ADD3: variants seen among roughly 807,000 people sequenced by gnomAD.
ADD3 encodes the protein adducin 3.
A neutral mutation model predicts 80.2 loss-of-function variants in ADD3; 25 were observed. The ratio of observed to expected loss-of-function variants is 0.31; its 90% CI spans 0.23 to 0.44. The LOEUF is 0.44. Ranked by LOEUF, ADD3 falls within the 20% of genes least tolerant of loss-of-function variation. ADD3 has a pLI of 1.00. For synonymous variants in ADD3, 284 were observed against 289.6 expected, an observed-to-expected ratio of 0.98 and a Z score of 0.20; for missense variants, 829 against 847.5, an observed-to-expected ratio of 0.98 and a Z score of 0.27.
intron 1 of ADD3, among the ~76,000 whole-genome samples, chr10:110,087,721 T>C (rs1379316701): frequency 7.2e-5 from 11 of 152,248 alleles, no homozygotes; most frequent in Non-Finnish European, 1.6e-4. Flanking sequence ...GTGTGCTATC[T>C]ATTCACACTG....
At chr10:110,069,384 A>G (rs2133617562) in intron 1 of ADD3, among the ~76,000 whole-genome samples, 1 of 152,346 alleles carries the variant, frequency 6.6e-6, no homozygotes, top group East Asian at 1.9e-4. Context: ...ACCCAGTCTC[A>G]GCAATTTAAC....
At chr10:110,092,439 G>A (rs571517612) in intron 1 of ADD3, among the ~76,000 whole-genome samples, 1 of 152,008 alleles carries the variant, frequency 6.6e-6, no homozygotes, top group East Asian at 1.9e-4. Context: ...TGCAGCTGGA[G>A]GCTATTACCC....
chr10:110,133,036 T>G (rs547192821), intron 14 of ADD3, among the ~76,000 whole-genome samples: 5 of 152,134 alleles, frequency 3.3e-5, no homozygotes, highest in Admixed American at 3.3e-4. Context: ...GAGAAAAATA[T>G]GTTGTCTTCC....
At chr10:110,047,690 T>C (rs576956078) in intron 1 of ADD3, among the ~76,000 whole-genome samples, 2 of 152,296 alleles carry the variant, frequency 1.3e-5, no homozygotes, top group East Asian at 1.9e-4. Flanking sequence ...AAGATAGTTA[T>C]AGGAAAAAGT....
At chr10:109,996,781 G>T (rs1185396496) in intron 1 of ADD3, among the ~76,000 whole-genome samples, 1 of 152,144 alleles carries the variant, frequency 6.6e-6, no homozygotes, top group African/African-American at 2.4e-5. Context: ...TTGCAGCAAG[G>T]TATTTAAATC....
chr10:110,130,691 A>T (rs11194998), intron 13 of ADD3, among the ~76,000 whole-genome samples: 2,447 of 152,222 alleles, frequency 0.016, 62 homozygotes, highest in African/African-American at 0.052. Flanking sequence ...CCCCGTCTCT[A>T]TTAAAAATTA....
At chr10:110,095,461 T>C (rs529463813) in intron 1 of ADD3, among the ~76,000 whole-genome samples, 1 of 152,372 alleles carries the variant, frequency 6.6e-6, no homozygotes, top group East Asian at 1.9e-4. Context: ...AATGGAGTCA[T>C]ACAATATGTG....
At chr10:110,132,724 A>T in intron 14 of ADD3, 1 of 231,214 alleles carries the variant, frequency 4.3e-6, no homozygotes, top group South Asian at 5.5e-5. Context: ...TCAGGAGATC[A>T]AGACCATCCT....
chr10:110,022,448 C>T lies in ADD3; in HGVS notation c.-30+14149C>T, dbSNP rs983654742. ...AAATTACCTTTCATATACCACTTATCGTAAAGTTATTTTTTTGAGGTATAA... is the reference window on the plus strand; with the variant it reads ...AAATTACCTTTCATATACCACTTATTGTAAAGTTATTTTTTTGAGGTATAA... On this transcript the variant is annotated intron_variant, in intron 1 of 14. Transcript: ENST00000356080. Among the ~76,000 whole-genome samples the T allele has an allele frequency of 1.1e-4, 17 of 152,074 alleles. 1 individual carries two copies. Among genetic ancestry groups the T allele is most frequent in the African/African-American group, 3.1e-4 (13 of 41,504 alleles).
intron 1 of ADD3, among the ~76,000 whole-genome samples, chr10:110,060,109 G>T (rs1324164477): frequency 6.6e-6 from 1 of 152,212 alleles, no homozygotes; most frequent in Non-Finnish European, 1.5e-5. Context: ...GCGACTTCCT[G>T]TTCAGCTGAG....
At position 110,045,058 on chromosome 10, in the gene ADD3, T is replaced by A. The variant is rs113948476; in HGVS notation, c.-30+36759T>A. 3.2e-4 allele frequency among the ~76,000 whole-genome samples: 48 copies of A among 152,230 alleles called. 1 individual carries two copies. Among genetic ancestry groups the A allele is most frequent in the African/African-American group, 1.1e-3 (44 of 41,542 alleles). Reference sequence around the variant, plus strand: ...TACTTTTCCGAAACACTGGGTAGTTTGAAGTAAAGTACCTGGCTGGGCGTG... The same window carrying A: ...TACTTTTCCGAAACACTGGGTAGTTAGAAGTAAAGTACCTGGCTGGGCGTG... On this transcript the variant is annotated intron_variant, in intron 1 of 14. Coordinates refer to ENST00000356080, the MANE Select transcript of ADD3 (RefSeq NM_016824.5).
intron 1 of ADD3, among the ~76,000 whole-genome samples, chr10:110,038,577 A>G (rs1472368027): frequency 1.3e-5 from 2 of 152,234 alleles, no homozygotes; most frequent in African/African-American, 2.4e-5. Context: ...AAGCCTGTCT[A>G]CTATAAAAGG....
chr10:110,094,811 A>G (rs1342202663), intron 1 of ADD3, among the ~76,000 whole-genome samples: 1 of 152,240 alleles, frequency 6.6e-6, no homozygotes, highest in East Asian at 1.9e-4. Flanking sequence ...TTTCATCAAG[A>G]AAAACTGAAA....
At chr10:110,114,907 A>T (rs1025867641) in intron 3 of ADD3, among the ~76,000 whole-genome samples, 3 of 151,368 alleles carry the variant, frequency 2.0e-5, no homozygotes, top group African/African-American at 7.3e-5. Flanking sequence ...GTAAGACCCC[A>T]TCTCCACTAA....
At chr10:110,028,963 TC>T (rs1304460034) in intron 1 of ADD3, among the ~76,000 whole-genome samples, 1 of 149,844 alleles carries the variant, frequency 6.7e-6, no homozygotes, top group Non-Finnish European at 1.5e-5. Flanking sequence ...CACCGCAACC[TC>T]CGCCTCCCGG....
At chr10:110,116,432 T>C in intron 4 of ADD3, 22 bp downstream of exon 4, 2 of 1,610,684 alleles carry the variant, frequency 1.2e-6, no homozygotes, top group South Asian at 2.2e-5. Flanking sequence ...AGCTTTCAAT[T>C]CCTTTTTTAA....
At chr10:110,079,583 T>A (rs1463034531) in intron 1 of ADD3, among the ~76,000 whole-genome samples, 1 of 151,142 alleles carries the variant, frequency 6.6e-6, no homozygotes, top group Non-Finnish European at 1.5e-5. Flanking sequence ...TGAGACAGAG[T>A]CTTACTCTGT....
intron 1 of ADD3, among the ~76,000 whole-genome samples, chr10:110,045,344 ACT>A (rs981680605): frequency 5.9e-5 from 9 of 151,924 alleles, no homozygotes; most frequent in Non-Finnish European, 8.8e-5. Flanking sequence ...ACACAGCAAG[ACT>A]CTGTCTCAAA....
intron 1 of ADD3, among the ~76,000 whole-genome samples, chr10:110,022,441 C>T (rs550530433): frequency 1.3e-5 from 2 of 151,994 alleles, no homozygotes; most frequent in East Asian, 3.9e-4. Flanking sequence ...TTTCATATAC[C>T]ACTTATCGTA....
Sources: allele counts gnomAD v4.1 joint callset (sites outside exome capture counted in the v4.1 genomes callset), GRCh38; gene constraint gnomAD v4.1.1; transcripts MANE v1.5; gene names NCBI Gene and HGNC (gene_info 2026-07-23, HGNC 2026-07-21).